The following FBXO38 variants were observed in gnomAD, a reference collection of about 807,000 sequenced individuals.
FBXO38 encodes F-box protein 38.
In FBXO38, 53 loss-of-function variants were observed where a neutral mutation model predicts 131.9. That is an observed-to-expected ratio of 0.40 (90% CI 0.32 to 0.51). FBXO38 has a LOEUF of 0.51. Ranked by LOEUF, FBXO38 falls within the 20% of genes least tolerant of loss-of-function variation. The pLI is 0.53. For missense variants in FBXO38, 1,076 were observed against 1,475.6 expected (o/e 0.73, Z 4.44); for synonymous variants, 452 against 505.6 (o/e 0.89, Z 1.42).
intron 2 of FBXO38, among the ~76,000 whole-genome samples, chr5:148,398,365 G>A (rs902172228): frequency 5.9e-5 from 9 of 151,642 alleles, no homozygotes; most frequent in Non-Finnish European, 1.0e-4. Context: ...GAATGGAAAA[G>A]AGGAAGTTGT....
At position 148,424,016 on chromosome 5, in the gene FBXO38, A is replaced by G; in HGVS notation, c.1637A>G (p.Asp546Gly). Residue 546 changes from aspartate to glycine, a missense_variant, in exon 13 of 22, where the codon GAC (aspartate) becomes GGC (glycine). Coordinates refer to ENST00000340253, the MANE Select transcript of FBXO38 (RefSeq NM_205836.3). ...GTTGAAGCATTAAATGAGATGGAAG[A>G]CATCGTCCAAGAAGATGGAGAGGTG... ...FAADALNEME[D>G]IVQEDGEVVA... The G allele has an allele frequency of 6.2e-7, 1 of 1,612,880 alleles. No individual in the cohort carries two copies.
Position 148,424,008 on chromosome 5 carries a change from G to T in FBXO38, c.1629G>T (p.Glu543Asp), listed in dbSNP as rs773078662. The change falls in exon 13 of 22, where the codon GAG becomes GAT. Residue 543 changes from glutamate (E) to aspartate (D), a missense_variant. Glu to Asp is a conservative substitution (Grantham distance 45, BLOSUM62 2). Transcript: ENST00000340253. ...ATATTTTCGTTGAAGCATTAAATGAGATGGAAGACATCGTCCAAGAAGATG... is the reference window on the plus strand; with the variant it reads ...ATATTTTCGTTGAAGCATTAAATGATATGGAAGACATCGTCCAAGAAGATG... ...EQQFAADALNEMEDIVQEDGE... is the reference protein window; with the variant it reads ...EQQFAADALNDMEDIVQEDGE... The T allele has an allele frequency of 1.9e-6, 3 of 1,612,428 alleles. No homozygotes were observed. Among genetic ancestry groups the T allele is most frequent in the Non-Finnish European group, 2.5e-6 (3 of 1,179,332 alleles).
chr5:148,384,264 C>T (rs1024614524), intron 1 of FBXO38, among the ~76,000 whole-genome samples: 2 of 152,200 alleles, frequency 1.3e-5, no homozygotes, highest in Admixed American at 1.3e-4. Flanking sequence ...TTGTCTGAAC[C>T]TGGCCCCAAA....
chr5:148,427,924 A>G lies in FBXO38; in HGVS notation c.2630A>G (p.His877Arg). Reference protein sequence around the residue: ...PLTRARSRLSHVLLVSESEVA... With the variant: ...PLTRARSRLSRVLLVSESEVA... ...ACCAGGGCCAGGAGCAGACTGTCCC[A>G]TGTACTGCTGGTATCTGAGTCAGGT... The change falls in exon 15 of 22, where the codon CAT becomes CGT. Residue 877 changes from histidine (H) to arginine (R), a missense_variant. His to Arg is a conservative substitution (Grantham distance 29). Coordinates refer to ENST00000340253, the MANE Select transcript of FBXO38 (RefSeq NM_205836.3). 5 of 1,520,970 alleles carry G rather than the reference A, an allele frequency of 3.3e-6. No homozygotes were observed. The Admixed American group carries it at 6.7e-5, about 20-fold the overall frequency. 94.2% of individuals were successfully genotyped at this position (1,520,970 alleles called of 1,614,324 possible).
intron 14 of FBXO38, among the ~76,000 whole-genome samples, chr5:148,426,865 T>C (rs1753738600): frequency 6.6e-6 from 1 of 152,116 alleles, no homozygotes; most frequent in South Asian, 2.1e-4. Flanking sequence ...GGACCACAGC[T>C]GACAAATTGG....
At chr5:148,398,617 T>C (rs1263087387) in intron 2 of FBXO38, among the ~76,000 whole-genome samples, 2 of 152,048 alleles carry the variant, frequency 1.3e-5, no homozygotes, top group African/African-American at 4.8e-5. Flanking sequence ...CATGTTCAAA[T>C]TGAGTAATTC....
chr5:148,390,718 C>A (rs554486234), intron 1 of FBXO38, among the ~76,000 whole-genome samples: 2 of 152,198 alleles, frequency 1.3e-5, no homozygotes, highest in East Asian at 3.9e-4. Flanking sequence ...TTTATAAACT[C>A]AATGATATTT....
chr5:148,442,747 G>T lies in FBXO38; in HGVS notation c.*600G>T, dbSNP rs974952634. Reference sequence around the variant, plus strand: ...GTGAGTTTGAGAGGGAAATGGAAAAGTTTCCAGAGTATTTCTAGTAATTTA... The same window carrying T: ...GTGAGTTTGAGAGGGAAATGGAAAATTTTCCAGAGTATTTCTAGTAATTTA... On this transcript the variant is annotated 3_prime_UTR_variant, in exon 22 of 22. Transcript: ENST00000340253. The T allele has an allele frequency of 6.6e-6, 1 of 152,110 alleles. No individual in the cohort carries two copies. Among genetic ancestry groups the T allele is most frequent in the Non-Finnish European group, 1.5e-5 (1 of 68,010 alleles). The allele number at this position is 152,110 out of a possible 1,614,324, so 9.4% of individuals were successfully genotyped here.
chr5:148,389,211 T>C (rs1758068904), intron 1 of FBXO38, among the ~76,000 whole-genome samples: 1 of 152,216 alleles, frequency 6.6e-6, no homozygotes, highest in African/African-American at 2.4e-5. Flanking sequence ...CAAAAATCAC[T>C]GATCATAGAT....
intron 2 of FBXO38, among the ~76,000 whole-genome samples, chr5:148,396,412 T>C (rs982002052): frequency 3.9e-5 from 6 of 152,106 alleles, no homozygotes; most frequent in Non-Finnish European, 5.9e-5. Context: ...TTCACATCAG[T>C]GAGGAAAAGT....
rs758238006 is a variant in FBXO38, at chr5:148,438,313, C to T, written c.2858-19C>T. Reference sequence around the variant, plus strand: ...CAAAGATGATATGTACGGAGCTTACCATTGTTTTCATTTTGTAGCTACCAG... The same window carrying T: ...CAAAGATGATATGTACGGAGCTTACTATTGTTTTCATTTTGTAGCTACCAG... On this transcript the variant is annotated intron_variant, in intron 17 of 21. Coordinates refer to ENST00000340253, the MANE Select transcript of FBXO38 (RefSeq NM_205836.3). The T allele has an allele frequency of 2.5e-6, 4 of 1,612,368 alleles. No homozygotes were observed. Among genetic ancestry groups the T allele is most frequent in the Middle Eastern group, 1.7e-4 (1 of 6,050 alleles).
chr5:148,420,735 C>T (rs990444581), intron 12 of FBXO38, among the ~76,000 whole-genome samples: 1 of 152,176 alleles, frequency 6.6e-6, no homozygotes, highest in African/African-American at 2.4e-5. Flanking sequence ...CTTGAGTGTG[C>T]ATCACAATCA....
chr5:148,440,606 G>C (rs1754622867), intron 20 of FBXO38, 79 bp downstream of exon 20: 2 of 807,426 alleles, frequency 2.5e-6, no homozygotes, highest in Non-Finnish European at 3.9e-6. Flanking sequence ...TCAGGAGGCT[G>C]AGGTGGGAGG....
chr5:148,386,165 A>AGG (rs1177531884), intron 1 of FBXO38, among the ~76,000 whole-genome samples: 1 of 152,168 alleles, frequency 6.6e-6, no homozygotes, highest in Non-Finnish European at 1.5e-5. Flanking sequence ...TGGTGAAGGT[A>AGG]GGGTGTGGTC....
intron 12 of FBXO38, 85 bp downstream of exon 12, chr5:148,417,289 CCT>C (rs1054696103): frequency 4.2e-5 from 40 of 961,250 alleles, no homozygotes; most frequent in Non-Finnish European, 5.9e-5. Flanking sequence ...CCCTTTTTCC[CCT>C]GTTTCAACTT....
intron 18 of FBXO38, among the ~76,000 whole-genome samples, chr5:148,439,252 T>G (rs970481230): frequency 3.9e-5 from 6 of 152,150 alleles, no homozygotes; most frequent in Non-Finnish European, 7.4e-5. Flanking sequence ...AGAAAATGCA[T>G]TCTCTCTTAA....
Position 148,404,698 on chromosome 5 carries a change from T to A in FBXO38, c.606T>A (p.Pro202=). Reference sequence around the variant, plus strand: ...TTTGTGTTTTAGGGGTGAATGTTCCTGAAATTCCTTGTATCCCAATGCTAA... The same window carrying A: ...TTTGTGTTTTAGGGGTGAATGTTCCAGAAATTCCTTGTATCCCAATGCTAA... ...QTLHLVGVNV[P]EIPCIPMLRH... Residue 202 remains proline, a synonymous_variant, in exon 6 of 22, where the codon CCT becomes CCA. Transcript: ENST00000340253. 6.3e-7 allele frequency: 1 copy of A among 1,580,008 alleles called. No individual in the cohort carries two copies. Among genetic ancestry groups the A allele is most frequent in the Non-Finnish European group, 8.6e-7 (1 of 1,166,044 alleles).
intron 15 of FBXO38, 46 bp from the exon 16 acceptor site, chr5:148,433,378 A>T (rs1754147114): frequency 7.2e-7 from 1 of 1,391,046 alleles, no homozygotes; most frequent in East Asian, 2.3e-5. Flanking sequence ...TGAGGGAAAG[A>T]AAGCAAGGCT....
At chr5:148,410,356 C>T (rs1752679955) in intron 8 of FBXO38, 2 of 423,946 alleles carry the variant, frequency 4.7e-6, no homozygotes, top group African/African-American at 4.2e-5. Flanking sequence ...TGGGAGTGTC[C>T]CTGCACAGCC....
Sources: gnomAD v4.1 joint callset for allele counts (sites outside exome capture counted in the v4.1 genomes callset) on GRCh38, gnomAD v4.1.1 for gene constraint, MANE v1.5 for transcripts, NCBI Gene and HGNC (gene_info 2026-07-23, HGNC 2026-07-21) for gene names.